The following PCCB variants were observed in gnomAD, a reference collection of about 807,000 sequenced individuals.
PCCB encodes the protein propionyl-CoA carboxylase subunit beta, also known as propionyl-CoA carboxylase beta chain, mitochondrial.
A neutral mutation model predicts 60.7 loss-of-function variants in PCCB; 43 were observed. That is an observed-to-expected ratio of 0.71 (90% CI 0.55 to 0.91). The LOEUF is 0.91. PCCB is among the 40% of genes least tolerant of loss of function. The pLI, the probability that PCCB is intolerant of heterozygous loss-of-function variation, is 0.00. For missense variants in PCCB, 766 were observed against 702.8 expected (o/e 1.09, Z -1.02); for synonymous variants, 276 against 255.9 (o/e 1.08, Z -0.75).
chr3:136,312,166 A>T (rs1001680304), intron 9 of PCCB, among the ~76,000 whole-genome samples: 1 of 152,256 alleles, frequency 6.6e-6, no homozygotes, highest in Admixed American at 6.5e-5. Context: ...GTTGCGTAAC[A>T]ACAGGGATGT....
intron 10 of PCCB, among the ~76,000 whole-genome samples, chr3:136,317,986 T>C (rs1258637210): frequency 1.3e-5 from 2 of 152,228 alleles, no homozygotes; most frequent in Non-Finnish European, 2.9e-5. Flanking sequence ...GAAGAATCTG[T>C]CTTTCTTCAT....
chr3:136,324,462 A>G (rs898967974), intron 10 of PCCB, among the ~76,000 whole-genome samples: 1 of 152,130 alleles, frequency 6.6e-6, no homozygotes, highest in African/African-American at 2.4e-5. Context: ...TTTCATTTTC[A>G]TTCAACTTCT....
chr3:136,312,426 T>C (rs910444109), intron 9 of PCCB, among the ~76,000 whole-genome samples: 1 of 152,224 alleles, frequency 6.6e-6, no homozygotes, highest in South Asian at 2.1e-4. Flanking sequence ...CACCTTCCTA[T>C]AGGCAGTTTG....
At chr3:136,256,135 C>A in intron 2 of PCCB, 160 bp downstream of exon 2, 1 of 1,041,748 alleles carries the variant, frequency 9.6e-7, no homozygotes, top group Non-Finnish European at 1.4e-6. Flanking sequence ...TAGAGATGGG[C>A]TTTCGCCATG....
At chr3:136,299,930 ATATG>A (rs988623714) in intron 8 of PCCB, among the ~76,000 whole-genome samples, 3 of 152,012 alleles carry the variant, frequency 2.0e-5, no homozygotes, top group African/African-American at 4.8e-5. Context: ...ATGCATATGT[ATATG>A]TATACGCATA....
chr3:136,258,373 G>A (rs1941732279), intron 3 of PCCB, among the ~76,000 whole-genome samples: 1 of 152,172 alleles, frequency 6.6e-6, no homozygotes, highest in Non-Finnish European at 1.5e-5. Context: ...AGAGGTTCCA[G>A]GCAAATGCTG....
At position 136,327,175 on chromosome 3, in the gene PCCB, G is replaced by A. The variant is rs767041820; in HGVS notation, c.1219G>A (p.Gly407Ser). Reference protein sequence around the residue: ...FLPGTAQEYGGIIRHGAKLLY... With the variant: ...FLPGTAQEYGSIIRHGAKLLY... ...TCTAGGCACAGCACAGGAATACGGGGGCATCATCCGGCATGGTGCCAAGCT... is the reference window on the plus strand; with the variant it reads ...TCTAGGCACAGCACAGGAATACGGGAGCATCATCCGGCATGGTGCCAAGCT... The change falls in exon 12 of 15, where the codon GGC becomes AGC. Residue 407 changes from glycine to serine, a missense_variant. Physicochemically the swap from Gly to Ser is moderately conservative, Grantham distance 56 (BLOSUM62 0). Coordinates refer to ENST00000251654, the MANE Select transcript of PCCB (RefSeq NM_000532.5). The A allele has an allele frequency of 1.9e-4, 310 of 1,614,046 alleles. No homozygotes were observed. The highest frequency in any genetic ancestry group is 2.8e-4 in the Admixed American group (17 of 60,022).
chr3:136,320,855 C>T (rs1437674501), intron 10 of PCCB, among the ~76,000 whole-genome samples: 1 of 152,206 alleles, frequency 6.6e-6, no homozygotes, highest in East Asian at 1.9e-4. Context: ...ATTTCTTGTA[C>T]ATTGTTGAAT....
chr3:136,263,739 C>T (rs117752803), intron 5 of PCCB, among the ~76,000 whole-genome samples: 1,761 of 152,182 alleles, frequency 0.012, 32 homozygotes, highest in East Asian at 0.047. Flanking sequence ...AGCCTGGGCA[C>T]GGTGGCTCAC....
intron 12 of PCCB, 38 bp from the exon 13 acceptor site, chr3:136,327,596 T>G (rs1432364116): frequency 6.8e-7 from 1 of 1,476,704 alleles, no homozygotes; most frequent in Non-Finnish European, 9.5e-7. Context: ...GATCTGGCTG[T>G]CTCAGGCTCT....
At position 136,251,438 on chromosome 3, in the gene PCCB, C is replaced by T. The variant is rs150295687; in HGVS notation, c.183+880C>T. On this transcript the variant is annotated intron_variant, in intron 1 of 14. Transcript: ENST00000251654. ...AGAGTATTCAGGCACAACTCACAAC[C>T]ATGAGGGAGGCACTGGGGGAGGGAT... The T allele has an allele frequency of 9.1e-3, 3,731 of 408,800 alleles. 61 individuals are homozygous for T. The highest frequency in any genetic ancestry group is 0.032 in the South Asian group (1,829 of 57,316). The allele number at this position is 408,800 out of a possible 1,614,324, so 25.3% of individuals were successfully genotyped here.
At chr3:136,293,684 C>A in intron 6 of PCCB, 72 bp from the exon 7 acceptor site, 1 of 935,004 alleles carries the variant, frequency 1.1e-6, no homozygotes, top group Non-Finnish European at 1.8e-6. Context: ...GTCATCTTGG[C>A]TGAATCAACT....
At chr3:136,325,301 T>C (rs1438048361) in intron 10 of PCCB, among the ~76,000 whole-genome samples, 4 of 151,970 alleles carry the variant, frequency 2.6e-5, no homozygotes, top group Non-Finnish European at 2.9e-5. Flanking sequence ...TGGGACTACA[T>C]TGTCTTTTTA....
rs186768224 is a variant in PCCB, at chr3:136,300,998, G to A, written c.885-32G>A. ...ACAAAAGGTAACTGGCTCTTCCTAT[G>A]TTGACTATACCTGCCTTTTTTCTGC... On this transcript the variant is annotated intron_variant, in intron 8 of 14. Coordinates refer to ENST00000251654, the MANE Select transcript of PCCB (RefSeq NM_000532.5). 3.1e-4 allele frequency: 488 copies of A among 1,567,312 alleles called. 1 individual carries two copies. In the African/African-American group the frequency reaches 5.0e-3, roughly 16 times the overall value.
chr3:136,298,121 C>G, intron 8 of PCCB, 49 bp downstream of exon 8: 1 of 1,612,416 alleles, frequency 6.2e-7, no homozygotes, highest in Non-Finnish European at 8.5e-7. Flanking sequence ...TGTAGCTTGC[C>G]TTTCTCTGCC....
rs186150055 is a variant in PCCB at position 136,259,877 on chromosome 3, C to T, written c.373-602C>T. On this transcript the variant is annotated intron_variant, in intron 3 of 14. Transcript: ENST00000251654. ...AAGTGATTCTCCTGCCTCAGCCTCC[C>T]GAGTAGCTGGGATTACAGGCACACA... Among the ~76,000 whole-genome samples the T allele has an allele frequency of 1.6e-4, 25 of 152,140 alleles. No individual in the cohort carries two copies. The East Asian group carries it at 2.1e-3, about 13-fold the overall frequency.
intron 13 of PCCB, among the ~76,000 whole-genome samples, chr3:136,328,029 G>A (rs1283698886): frequency 2.6e-5 from 4 of 152,154 alleles, no homozygotes; most frequent in Non-Finnish European, 4.4e-5. Context: ...AAGTAAAGGG[G>A]GCAAAGGGTT....
chr3:136,261,950 A>C lies in PCCB; in HGVS notation c.430-2A>C. ...CAATAAAAGATTTCTCTGCTGTCTCAGATCATGGACCAGGCCATAACGGTG... is the reference window on the plus strand; with the variant it reads ...CAATAAAAGATTTCTCTGCTGTCTCCGATCATGGACCAGGCCATAACGGTG... On this transcript the variant is annotated splice_acceptor_variant, in intron 4 of 14. Coordinates refer to ENST00000251654, the MANE Select transcript of PCCB (RefSeq NM_000532.5). LOFTEE classifies it high-confidence loss of function. 1 of 1,536,146 alleles carries C rather than the reference A, an allele frequency of 6.5e-7. No homozygotes were observed. The highest frequency in any genetic ancestry group is 8.8e-7 in the Non-Finnish European group (1 of 1,130,726).
intron 6 of PCCB, among the ~76,000 whole-genome samples, chr3:136,284,752 A>G (rs972483495): frequency 1.3e-5 from 2 of 152,152 alleles, no homozygotes; most frequent in African/African-American, 4.8e-5. Flanking sequence ...ATATACCGAA[A>G]GTAGTGTAAG....
Sources: gnomAD v4.1 joint callset for allele counts (sites outside exome capture counted in the v4.1 genomes callset) on GRCh38, gnomAD v4.1.1 for gene constraint, MANE v1.5 for transcripts, NCBI Gene and HGNC (gene_info 2026-07-23, HGNC 2026-07-21) for gene names.